The following ADNP variants were observed in gnomAD, a reference collection of about 807,000 sequenced individuals.
The protein encoded by ADNP is activity-dependent neuroprotector homeobox protein.
Under a neutral mutation model 84.9 loss-of-function variants are expected in ADNP, and 4 were observed. The ratio of observed to expected loss-of-function variants is 0.05; its 90% CI spans 0.02 to 0.11. The LOEUF is 0.11. Among genes scored for constraint, ADNP ranks in the 10% least tolerant of loss-of-function variants. ADNP has a pLI of 1.00. For synonymous variants in ADNP, 554 were observed against 468.1 expected, an observed-to-expected ratio of 1.18 and a Z score of -2.37; for missense variants, 1,132 against 1,326.0, an observed-to-expected ratio of 0.85 and a Z score of 2.27.
intron 2 of ADNP, among the ~76,000 whole-genome samples, chr20:50,907,086 G>C (rs1447653608): frequency 1.4e-5 from 2 of 147,096 alleles, no homozygotes; most frequent in African/African-American, 2.5e-5. Context: ...TCCTGCCTCA[G>C]CCTCCTGAGT....
chr20:50,892,955 GATT>G lies in ADNP; in HGVS notation c.1756_1758del (p.Asn586del). 1.9e-6 allele frequency: 3 copies of G among 1,614,190 alleles called. No individual in the cohort carries two copies. Among genetic ancestry groups the G allele is most frequent in the Non-Finnish European group, 2.5e-6 (3 of 1,180,040 alleles). ...GGCTGTGGCTTTGGAGGAACTGGAG[GATT>G]ATTTTGGGCATGGTAAGCAACAGAT... On this transcript the variant is annotated inframe_deletion, in exon 6 of 6. Transcript: ENST00000621696.
At chr20:50,904,952 T>A (rs1182147920) in intron 2 of ADNP, 103 bp from the exon 3 acceptor site, 1 of 152,140 alleles carries the variant, frequency 6.6e-6, no homozygotes, top group East Asian at 1.9e-4. Flanking sequence ...GACCAATGCA[T>A]GCCCCCACTC....
intron 2 of ADNP, among the ~76,000 whole-genome samples, chr20:50,910,427 G>A (rs1158758872): frequency 6.6e-6 from 1 of 152,190 alleles, no homozygotes; most frequent in Non-Finnish European, 1.5e-5. Context: ...AACACAGCAA[G>A]ACCTATGTTT....
intron 2 of ADNP, chr20:50,914,218 A>G: frequency 1.3e-6 from 1 of 762,356 alleles, no homozygotes; most frequent in Non-Finnish European, 2.3e-6. Flanking sequence ...CAAAGCATCC[A>G]CAATCATCCA....
At chr20:50,898,969 A>T (rs1041775102) in intron 5 of ADNP, among the ~76,000 whole-genome samples, 1 of 152,238 alleles carries the variant, frequency 6.6e-6, no homozygotes, top group Non-Finnish European at 1.5e-5. Flanking sequence ...CCCCAAGATT[A>T]TAACGGGGCT....
Position 50,920,526 on chromosome 20 carries a change from C to T in ADNP, c.-90+8125G>A, listed in dbSNP as rs574174311. On this transcript the variant is annotated intron_variant, in intron 2 of 5. Transcript: ENST00000621696. ...GCCCAGGAGGCAGAGGTTGAGATCG[C>T]GCCACTGCACTCCAGCCTGGACTCC... Among the ~76,000 whole-genome samples, 8 of 146,218 alleles carry T rather than the reference C, an allele frequency of 5.5e-5. 1 individual carries two copies. Among genetic ancestry groups the T allele is most frequent in the South Asian group, 2.2e-4 (1 of 4,554 alleles).
chr20:50,914,160 G>A (rs1770927157), intron 2 of ADNP: 7 of 784,980 alleles, frequency 8.9e-6, no homozygotes, highest in Non-Finnish European at 1.6e-5. Context: ...CAAAGCACCA[G>A]GCCACAGCCA....
At chr20:50,926,019 G>C (rs540866118) in intron 2 of ADNP, among the ~76,000 whole-genome samples, 1 of 152,218 alleles carries the variant, frequency 6.6e-6, no homozygotes, top group Non-Finnish European at 1.5e-5. Flanking sequence ...AAAATCACTC[G>C]AACCCGGGAA....
chr20:50,911,051 A>G (rs1982978711), intron 2 of ADNP, among the ~76,000 whole-genome samples: 5 of 152,202 alleles, frequency 3.3e-5, no homozygotes, highest in Admixed American at 1.3e-4. Flanking sequence ...ATTAGGGCCC[A>G]AACATTAACG....
intron 5 of ADNP, among the ~76,000 whole-genome samples, chr20:50,901,321 T>TAA (rs11470054): frequency 0.024 from 2,200 of 92,706 alleles, 167 homozygotes; most frequent in African/African-American, 0.081. Context: ...CTGGGGTATT[T>TAA]AAAAAAAAAA....
At chr20:50,919,323 A>T (rs898044021) in intron 2 of ADNP, among the ~76,000 whole-genome samples, 13 of 149,062 alleles carry the variant, frequency 8.7e-5, no homozygotes, top group Non-Finnish European at 5.9e-5. Context: ...ATATGTAAAA[A>T]GCCAGGTGTG....
At position 50,891,618 on chromosome 20, in the gene ADNP, G is replaced by C; in HGVS notation, c.3096C>G (p.Ser1032=). The stretch of plus-strand genomic sequence containing the variant: ...ACCAAAACCCTTCAACTTTTCCATA[G>C]GAACTATTCTTCCATTTCAACTGCT... ...DREQLKWKNS[S]YGKVEGFWSK... The change falls in exon 6 of 6, where the codon TCC becomes TCG. Residue 1032 remains serine, a synonymous_variant. Transcript: ENST00000621696. 6.2e-7 allele frequency: 1 copy of C among 1,614,020 alleles called. No homozygotes were observed. Among genetic ancestry groups the C allele is most frequent in the African/African-American group, 1.3e-5 (1 of 75,026 alleles).
At chr20:50,924,465 A>T (rs945238823) in intron 2 of ADNP, among the ~76,000 whole-genome samples, 2 of 152,318 alleles carry the variant, frequency 1.3e-5, no homozygotes, top group African/African-American at 2.4e-5. Context: ...CAAGAGCACC[A>T]TAAAGGCCTG....
At chr20:50,895,520 T>C (rs894857110) in intron 5 of ADNP, among the ~76,000 whole-genome samples, 1 of 152,228 alleles carries the variant, frequency 6.6e-6, no homozygotes, top group Non-Finnish European at 1.5e-5. Flanking sequence ...TACTGTAGAC[T>C]TTATGAACAC....
At position 50,889,959 on chromosome 20, in the gene ADNP, TAGA is replaced by T. The variant is rs1980484997; in HGVS notation, c.*1443_*1445del. On this transcript the variant is annotated 3_prime_UTR_variant, in exon 6 of 6. Coordinates refer to ENST00000621696, the MANE Select transcript of ADNP (RefSeq NM_001282531.3). ...GTGAAAACGAACGTTTAACTTCATC[TAGA>T]AGAAAAAACAAACAAAAAACCCATC... is the stretch of plus-strand genomic sequence containing the variant. The T allele has an allele frequency of 2.8e-6, 1 of 351,750 alleles. No individual in the cohort carries two copies. The highest frequency in any genetic ancestry group is 4.6e-6 in the Non-Finnish European group (1 of 216,770). The allele number at this position is 351,750 out of a possible 1,614,324, so 21.8% of individuals were successfully genotyped here.
At chr20:50,906,840 T>C (rs1281074160) in intron 2 of ADNP, among the ~76,000 whole-genome samples, 1 of 152,174 alleles carries the variant, frequency 6.6e-6, no homozygotes, top group East Asian at 1.9e-4. Flanking sequence ...ATTTTGAATT[T>C]AAAAGGCTTA....
At chr20:50,915,649 G>A (rs78417126) in intron 2 of ADNP, among the ~76,000 whole-genome samples, 2,050 of 152,132 alleles carry the variant, frequency 0.013, 44 homozygotes, top group African/African-American at 0.046. Flanking sequence ...CACAAAACAC[G>A]TAATTCTGAC....
intron 5 of ADNP, among the ~76,000 whole-genome samples, chr20:50,896,324 T>A (rs1442964533): frequency 6.6e-6 from 1 of 151,620 alleles, no homozygotes; most frequent in South Asian, 2.1e-4. Flanking sequence ...AAAATTTGTT[T>A]TAAAAAAAAA....
At chr20:50,923,044 G>A (rs1233039019) in intron 2 of ADNP, among the ~76,000 whole-genome samples, 2 of 152,062 alleles carry the variant, frequency 1.3e-5, no homozygotes, top group Non-Finnish European at 2.9e-5. Context: ...AGCAGGAGAA[G>A]ATCAGAGATT....
Sources: allele counts gnomAD v4.1 joint callset (sites outside exome capture counted in the v4.1 genomes callset), GRCh38; gene constraint gnomAD v4.1.1; transcripts MANE v1.5; gene names NCBI Gene and HGNC (gene_info 2026-07-23, HGNC 2026-07-21).